Variants in AFF3 observed in about 807,000 individuals in gnomAD.
AFF3 encodes the protein AF4/FMR2 family member 3.
Under a neutral mutation model 129.7 loss-of-function variants are expected in AFF3, and 32 were observed. The ratio of observed to expected loss-of-function variants is 0.25; its 90% CI spans 0.19 to 0.33. The LOEUF (loss-of-function observed/expected upper bound fraction) is 0.33. Among genes scored for constraint, AFF3 ranks in the 10% least tolerant of loss-of-function variants. The probability of loss-of-function intolerance (pLI) is 1.00; values close to 1 mark genes in which losing one functional copy is unlikely to be tolerated. For missense variants in AFF3, 1,373 were observed against 1,592.0 expected (o/e 0.86, Z 2.34); for synonymous variants, 644 against 635.4 (o/e 1.01, Z -0.20).
In AFF3 at chr2:100,080,861, ACT is replaced by A. The variant is rs1287050975; in HGVS notation, c.53+23539_53+23540del. Among the ~76,000 whole-genome samples the A allele has an allele frequency of 9.2e-5, 14 of 152,256 alleles. No homozygotes were observed. The East Asian group carries it at 2.7e-3, about 29-fold the overall frequency. Reference sequence around the variant, plus strand: ...GGGGTCTTTATTGGGCTGGGAGCAGACTAAGTTGTACCCAGTAGCTGGCAATC... The same window carrying A: ...GGGGTCTTTATTGGGCTGGGAGCAGAAAGTTGTACCCAGTAGCTGGCAATC... On this transcript the variant is annotated intron_variant, in intron 4 of 24. Coordinates refer to ENST00000672756, the MANE Select transcript of AFF3 (RefSeq NM_001386135.1).
intron 7 of AFF3, among the ~76,000 whole-genome samples, chr2:99,992,200 T>C (rs777287916): frequency 4.7e-4 from 71 of 152,222 alleles, no homozygotes; most frequent in Non-Finnish European, 9.4e-4. Context: ...TTTTTTTTAC[T>C]TCTGCTAGCT....
At chr2:99,641,493 C>G (rs949173731) in intron 13 of AFF3, among the ~76,000 whole-genome samples, 2 of 152,164 alleles carry the variant, frequency 1.3e-5, no homozygotes, top group South Asian at 4.1e-4. Flanking sequence ...GCCTGGCCAA[C>G]ATGGTGAAAC....
intron 4 of AFF3, among the ~76,000 whole-genome samples, chr2:100,062,266 C>A (rs1016374676): frequency 6.6e-6 from 1 of 152,186 alleles, no homozygotes; most frequent in African/African-American, 2.4e-5. Context: ...AGCAGAGGAG[C>A]ACACGGAGTG....
At chr2:99,957,192 T>C (rs893471145) in intron 7 of AFF3, among the ~76,000 whole-genome samples, 5 of 151,456 alleles carry the variant, frequency 3.3e-5, no homozygotes, top group Non-Finnish European at 7.4e-5. Context: ...CGTGTGTGTG[T>C]GTGCGCGCGC....
chr2:99,869,940 T>C (rs1385357337), intron 7 of AFF3, among the ~76,000 whole-genome samples: 1 of 152,230 alleles, frequency 6.6e-6, no homozygotes, highest in African/African-American at 2.4e-5. Flanking sequence ...AAACCTGCAC[T>C]GAACCAGACA....
intron 8 of AFF3, among the ~76,000 whole-genome samples, chr2:99,811,866 G>A (rs1219094835): frequency 6.6e-6 from 1 of 152,262 alleles, no homozygotes; most frequent in East Asian, 1.9e-4. Context: ...GAATGCAGCT[G>A]TACGATGGCC....
At chr2:99,743,542 A>G (rs1365435275) in intron 10 of AFF3, among the ~76,000 whole-genome samples, 1 of 152,226 alleles carries the variant, frequency 6.6e-6, no homozygotes, top group African/African-American at 2.4e-5. Context: ...AAGAGAATTA[A>G]AACACTACTT....
chr2:99,603,566 A>T (rs747955510), intron 13 of AFF3, among the ~76,000 whole-genome samples: 1 of 152,060 alleles, frequency 6.6e-6, no homozygotes, highest in African/African-American at 2.4e-5. Flanking sequence ...AGGACATATG[A>T]ATGGGCAAAG....
intron 7 of AFF3, among the ~76,000 whole-genome samples, chr2:99,883,153 A>ATGG (rs1692848905): frequency 6.6e-6 from 1 of 152,206 alleles, no homozygotes; most frequent in Non-Finnish European, 1.5e-5. Flanking sequence ...CAGGGAAGGG[A>ATGG]TGGTGCCTTG....
chr2:100,054,528 C>G (rs1686611056), intron 4 of AFF3, among the ~76,000 whole-genome samples: 3 of 152,138 alleles, frequency 2.0e-5, no homozygotes, highest in Admixed American at 2.0e-4. Context: ...CAAAATGAAA[C>G]ACTGGGTTTT....
chr2:99,878,953 A>G (rs1009911605), intron 7 of AFF3, among the ~76,000 whole-genome samples: 8 of 152,186 alleles, frequency 5.3e-5, no homozygotes, highest in African/African-American at 1.9e-4. Flanking sequence ...AAACAACTAG[A>G]TAACCCTAAG....
intron 4 of AFF3, among the ~76,000 whole-genome samples, chr2:100,083,494 GCTTTGCCAAGCTACCCT>G (rs1236176260): frequency 1.8e-4 from 27 of 152,142 alleles, no homozygotes; most frequent in African/African-American, 9.7e-5. Context: ...TGGCACAACG[GCTTTGCCAAGCTACCCT>G]CTTCGTGCCC....
At chr2:100,043,904 C>T (rs1293155138) in intron 4 of AFF3, among the ~76,000 whole-genome samples, 2 of 152,180 alleles carry the variant, frequency 1.3e-5, no homozygotes, top group Admixed American at 6.5e-5. Flanking sequence ...TGAAGCTCCT[C>T]GTGGTGTTCA....
chr2:99,833,485 T>C (rs1688652250), intron 8 of AFF3, among the ~76,000 whole-genome samples: 1 of 152,220 alleles, frequency 6.6e-6, no homozygotes, highest in Non-Finnish European at 1.5e-5. Context: ...TCTGCTCAGA[T>C]GTTACACTGA....
chr2:99,652,429 T>G (rs955481682), intron 12 of AFF3, among the ~76,000 whole-genome samples: 1 of 152,002 alleles, frequency 6.6e-6, no homozygotes, highest in East Asian at 1.9e-4. Flanking sequence ...TAATGAAGAA[T>G]TGTCCCCTTA....
chr2:99,695,851 T>C (rs140066748), intron 11 of AFF3, among the ~76,000 whole-genome samples: 18 of 144,278 alleles, frequency 1.2e-4, no homozygotes, highest in Non-Finnish European at 2.2e-4. Flanking sequence ...AAAATATCTC[T>C]GAAACCAAAG....
At chr2:99,568,698 T>C (rs1166607631) in intron 19 of AFF3, among the ~76,000 whole-genome samples, 154 bp downstream of exon 19, 11 of 152,346 alleles carry the variant, frequency 7.2e-5, no homozygotes, top group Middle Eastern at 3.4e-3. Flanking sequence ...TTTATTGGGC[T>C]ATGAACATTT....
intron 22 of AFF3, among the ~76,000 whole-genome samples, chr2:99,556,538 T>TA (rs1674938232): frequency 6.6e-6 from 1 of 152,246 alleles, no homozygotes; most frequent in African/African-American, 2.4e-5. Flanking sequence ...TCTTTTTTTT[T>TA]AGAGATAGCT....
intron 7 of AFF3, among the ~76,000 whole-genome samples, chr2:99,882,055 GTCTCTCTCTC>G (rs754624516): frequency 6.7e-6 from 1 of 148,466 alleles, no homozygotes; most frequent in Non-Finnish European, 1.5e-5. Flanking sequence ...TCATTTGCCT[GTCTCTCTCTC>G]TCTCTCTCTG....
Sources: allele counts gnomAD v4.1 joint callset (sites outside exome capture counted in the v4.1 genomes callset), GRCh38; gene constraint gnomAD v4.1.1; transcripts MANE v1.5; gene names NCBI Gene and HGNC (gene_info 2026-07-23, HGNC 2026-07-21).